The following ME2 variants were observed in gnomAD, a reference collection of about 807,000 sequenced individuals.
ME2 encodes the protein malic enzyme 2, also known as NAD-dependent malic enzyme, mitochondrial.
Under a neutral mutation model 73.7 loss-of-function variants are expected in ME2, and 60 were observed. The observed-to-expected ratio is 0.81, with a 90% CI of 0.66 to 1.01. ME2 has a LOEUF of 1.01. Ranked by LOEUF, ME2 falls within the 50% of genes least tolerant of loss-of-function variation. ME2 has a pLI of 0.00. For synonymous variants in ME2, 199 were observed against 236.9 expected, an observed-to-expected ratio of 0.84 and a Z score of 1.47; for missense variants, 594 against 705.5, an observed-to-expected ratio of 0.84 and a Z score of 1.79.
chr18:50,912,748 CTT>C (rs1917186726), intron 3 of ME2, 51 bp from the exon 4 acceptor site: 1 of 1,357,240 alleles, frequency 7.4e-7, no homozygotes, highest in Non-Finnish European at 9.7e-7. Flanking sequence ...TAAGCCAAGA[CTT>C]TTAATGTAAT....
At chr18:50,942,207 T>A (rs1917981009) in intron 15 of ME2, among the ~76,000 whole-genome samples, 1 of 152,188 alleles carries the variant, frequency 6.6e-6, no homozygotes, top group African/African-American at 2.4e-5. Flanking sequence ...GAAACATTTT[T>A]TCCTGAGTAG....
At position 50,940,333 on chromosome 18, in the gene ME2, CTT is replaced by C; in HGVS notation, c.1536_1537del (p.Tyr513ProfsTer5). On this transcript the variant is annotated frameshift_variant, in exon 15 of 16. Coordinates refer to ENST00000321341, the MANE Select transcript of ME2 (RefSeq NM_002396.5). LOFTEE classifies it high-confidence loss of function. ...AGATGAAGAGCTAGCCCAAGGGAGACTTTACCCACCGCTTGCTAATATTCAGG... is the reference window on the plus strand; with the variant it reads ...AGATGAAGAGCTAGCCCAAGGGAGACTACCCACCGCTTGCTAATATTCAGG... ...LTDEELAQGR[L>X]YPPLANIQEV... The C allele has an allele frequency of 1.9e-6, 3 of 1,611,648 alleles. No individual in the cohort carries two copies. Among genetic ancestry groups the C allele is most frequent in the Non-Finnish European group, 2.5e-6 (3 of 1,179,480 alleles).
chr18:50,892,049 G>A (rs1258928013), intron 1 of ME2, among the ~76,000 whole-genome samples: 1 of 151,638 alleles, frequency 6.6e-6, no homozygotes, highest in Admixed American at 6.6e-5. Context: ...TCGAACTGCT[G>A]AACTCAAACA....
chr18:50,892,745 C>T (rs1436030558), intron 1 of ME2, among the ~76,000 whole-genome samples: 3 of 152,082 alleles, frequency 2.0e-5, no homozygotes, highest in East Asian at 1.9e-4. Flanking sequence ...TTTAGACCTT[C>T]GTTGTAAATG....
At chr18:50,924,075 C>A in intron 10 of ME2, 23 bp from the exon 11 acceptor site, 3 of 1,465,430 alleles carry the variant, frequency 2.0e-6, no homozygotes, top group Non-Finnish European at 2.9e-6. Flanking sequence ...TAAAAAAATA[C>A]TGTATTTTAT....
chr18:50,923,684 T>C (rs1917479753), intron 10 of ME2, among the ~76,000 whole-genome samples: 1 of 151,952 alleles, frequency 6.6e-6, no homozygotes, highest in South Asian at 2.1e-4. Flanking sequence ...CCCGGGGAGG[T>C]AGAGGCTGCC....
intron 12 of ME2, among the ~76,000 whole-genome samples, chr18:50,927,138 G>GT (rs1244172223): frequency 1.3e-5 from 2 of 152,002 alleles, no homozygotes; most frequent in Non-Finnish European, 2.9e-5. Flanking sequence ...TGACATTTGG[G>GT]TTTTTTTCCT....
At chr18:50,922,082 A>G (rs955314368) in intron 10 of ME2, among the ~76,000 whole-genome samples, 9 of 152,350 alleles carry the variant, frequency 5.9e-5, no homozygotes, top group African/African-American at 1.9e-4. Flanking sequence ...AGCTATCTAA[A>G]TGTACTTTGT....
intron 1 of ME2, 34 bp from the exon 2 acceptor site, chr18:50,895,775 C>A: frequency 7.3e-7 from 1 of 1,371,420 alleles, no homozygotes; most frequent in Non-Finnish European, 1.0e-6. Flanking sequence ...TAATATGATT[C>A]TCTTCAGTGG....
intron 13 of ME2, chr18:50,935,129 T>G (rs1184199617): frequency 1.3e-5 from 2 of 152,148 alleles, no homozygotes; most frequent in African/African-American, 4.8e-5. Context: ...GGACTGCCAG[T>G]GCCCACAAGT....
At chr18:50,938,529 A>G (rs184193272) in intron 13 of ME2, among the ~76,000 whole-genome samples, 13 of 152,344 alleles carry the variant, frequency 8.5e-5, no homozygotes, top group African/African-American at 2.9e-4. Flanking sequence ...ATAAGTAGAA[A>G]GAAGTAAACA....
intron 1 of ME2, among the ~76,000 whole-genome samples, chr18:50,891,127 C>G (rs1568158932): frequency 6.6e-6 from 1 of 152,174 alleles, no homozygotes; most frequent in Non-Finnish European, 1.5e-5. Context: ...GTAGAAGAAA[C>G]TGTGTAAATC....
At chr18:50,881,730 C>A (rs1916329172) in intron 1 of ME2, among the ~76,000 whole-genome samples, 2 of 152,214 alleles carry the variant, frequency 1.3e-5, no homozygotes, top group South Asian at 4.1e-4. Flanking sequence ...GATGTTGATG[C>A]AGAAACAAGC....
intron 1 of ME2, among the ~76,000 whole-genome samples, chr18:50,882,636 T>C (rs1167050952): frequency 6.6e-6 from 1 of 152,110 alleles, no homozygotes; most frequent in Non-Finnish European, 1.5e-5. Flanking sequence ...TCTGTCAAGG[T>C]TGAGAATCTT....
chr18:50,937,817 C>T (rs1917852243), intron 13 of ME2, among the ~76,000 whole-genome samples: 1 of 151,960 alleles, frequency 6.6e-6, no homozygotes, highest in African/African-American at 2.4e-5. Flanking sequence ...ATTAGAGAGC[C>T]AATCCAAGAG....
intron 1 of ME2, among the ~76,000 whole-genome samples, chr18:50,885,559 A>G (rs1255769514): frequency 1.3e-5 from 2 of 152,130 alleles, no homozygotes; most frequent in Non-Finnish European, 2.9e-5. Context: ...ATGACAATTT[A>G]TAAAATTTAA....
At position 50,950,941 on chromosome 18, in the gene ME2, A is replaced by G. The variant is rs1444980076; in HGVS notation, c.*3757A>G. 1 of 152,210 alleles carries G rather than the reference A, an allele frequency of 6.6e-6. No individual in the cohort carries two copies. Among genetic ancestry groups the G allele is most frequent in the Non-Finnish European group, 1.5e-5 (1 of 68,040 alleles). 9.4% of individuals were successfully genotyped at this position (152,210 alleles called of 1,614,324 possible). A position where few individuals can be genotyped will look rare whatever the true frequency, so the allele number is the denominator to read the frequency against. On this transcript the variant is annotated 3_prime_UTR_variant, in exon 16 of 16. Coordinates refer to ENST00000321341, the MANE Select transcript of ME2 (RefSeq NM_002396.5). Reference sequence around the variant, plus strand: ...TACTTCAAGTTACATGAAAAAGATCAACTGAAATTATGTTCTTACACAGAA... The same window carrying G: ...TACTTCAAGTTACATGAAAAAGATCGACTGAAATTATGTTCTTACACAGAA...
intron 4 of ME2, among the ~76,000 whole-genome samples, chr18:50,913,654 A>T (rs1007499896): frequency 1.3e-5 from 2 of 151,650 alleles, no homozygotes; most frequent in Non-Finnish European, 2.9e-5. Flanking sequence ...TTTTTAATGA[A>T]TTTTCATTCC....
Position 50,920,699 on chromosome 18 carries a change from C to A in ME2, c.883C>A (p.Gln295Lys). 3 of 1,612,236 alleles carry A rather than the reference C, an allele frequency of 1.9e-6. No individual in the cohort carries two copies. Among genetic ancestry groups the A allele is most frequent in the South Asian group, 1.1e-5 (1 of 90,888 alleles). ...AGCTCTAGCAGGTCTTCTTGCAGCACAAAAAGTTATTAGTAAACCAATCTC... is the reference window on the plus strand; with the variant it reads ...AGCTCTAGCAGGTCTTCTTGCAGCAAAAAAAGTTATTAGTAAACCAATCTC... ...AVALAGLLAA[Q>K]KVISKPISEH... The change falls in exon 9 of 16, where the codon CAA becomes AAA. Residue 295 changes from glutamine to lysine, a missense_variant. By Grantham distance (53) the Gln-to-Lys change is moderately conservative. Coordinates refer to ENST00000321341, the MANE Select transcript of ME2 (RefSeq NM_002396.5).
Sources: allele counts gnomAD v4.1 joint callset (sites outside exome capture counted in the v4.1 genomes callset), GRCh38; gene constraint gnomAD v4.1.1; transcripts MANE v1.5; gene names NCBI Gene and HGNC (gene_info 2026-07-23, HGNC 2026-07-21).